Variants in ABHD12 observed in about 807,000 individuals in gnomAD.
The protein encoded by ABHD12 is lysophosphatidylserine lipase ABHD12.
In ABHD12, 43 loss-of-function variants were observed where a neutral mutation model predicts 58.3. The ratio of observed to expected loss-of-function variants is 0.74; its 90% CI spans 0.58 to 0.95. The LOEUF is 0.95. Ranked by LOEUF, ABHD12 falls within the 40% of genes least tolerant of loss-of-function variation. The pLI is 0.00. For synonymous variants in ABHD12, 219 were observed against 211.2 expected (o/e 1.04, Z -0.32); for missense variants, 539 against 537.2 (o/e 1.00, Z -0.03).
At chr20:25,383,783 G>A (rs1328640438) in intron 1 of ABHD12, among the ~76,000 whole-genome samples, 6 of 151,858 alleles carry the variant, frequency 4.0e-5, no homozygotes, top group African/African-American at 9.7e-5. Flanking sequence ...GTGAAACCTC[G>A]TCCCTACTAA....
At position 25,323,443 on chromosome 20, in the gene ABHD12, A is replaced by G; in HGVS notation, c.317-13T>C. The G allele has an allele frequency of 6.6e-7, 1 of 1,513,596 alleles. No homozygotes were observed. Among genetic ancestry groups the G allele is most frequent in the Non-Finnish European group, 9.2e-7 (1 of 1,088,352 alleles). 93.8% of individuals were successfully genotyped at this position (1,513,596 alleles called of 1,614,324 possible). A position where few individuals can be genotyped will look rare whatever the true frequency, so the allele number is the denominator to read the frequency against. ...TAGGGAACTCTTACTGTAGGAAATA[A>G]AGAGATGGAAATTAGGATTACTGGT... is the stretch of plus-strand genomic sequence containing the variant. On this transcript the variant is annotated splice_polypyrimidine_tract_variant and intron_variant, in intron 2 of 12. Transcript: ENST00000339157.
intron 2 of ABHD12, among the ~76,000 whole-genome samples, chr20:25,331,018 G>A (rs1349862274): frequency 6.6e-6 from 1 of 152,196 alleles, no homozygotes; most frequent in Non-Finnish European, 1.5e-5. Context: ...ATTACTCCAA[G>A]CTACGGGAGG....
intron 2 of ABHD12, among the ~76,000 whole-genome samples, chr20:25,330,876 G>GA (rs2089261341): frequency 6.6e-6 from 1 of 152,208 alleles, no homozygotes; most frequent in Admixed American, 6.5e-5. Flanking sequence ...AAAAAGAGCA[G>GA]AAAAACTGGA....
chr20:25,381,416 C>G (rs2090020334), intron 1 of ABHD12, among the ~76,000 whole-genome samples: 1 of 152,130 alleles, frequency 6.6e-6, no homozygotes, highest in Non-Finnish European at 1.5e-5. Context: ...GTAACAGGTA[C>G]TCAAACTGTT....
chr20:25,363,468 C>T (rs1476541525), intron 1 of ABHD12, among the ~76,000 whole-genome samples: 1 of 152,040 alleles, frequency 6.6e-6, no homozygotes, highest in Non-Finnish European at 1.5e-5. Context: ...CCACTCGCCT[C>T]GGCCTCCCAA....
At chr20:25,295,454 C>G (rs1771059471), downstream of ABHD12, 4 of 822,192 alleles carry the variant, frequency 4.9e-6, no homozygotes, top group Non-Finnish European at 8.0e-6. Flanking sequence ...CTGGTGCAGC[C>G]TGGCTCTGAC....
intron 1 of ABHD12, among the ~76,000 whole-genome samples, chr20:25,365,134 T>C (rs2089802398): frequency 6.6e-6 from 1 of 152,266 alleles, no homozygotes; most frequent in Non-Finnish European, 1.5e-5. Flanking sequence ...ATACTCTACA[T>C]GCTCATTTTT....
At chr20:25,362,775 A>G (rs1364323600) in intron 1 of ABHD12, among the ~76,000 whole-genome samples, 1 of 151,520 alleles carries the variant, frequency 6.6e-6, no homozygotes, top group Non-Finnish European at 1.5e-5. Context: ...CCCGGGTTCA[A>G]GCAATTCTCC....
Position 25,303,728 on chromosome 20 carries a change from G to A in ABHD12, c.951-100C>T, listed in dbSNP as rs576308540. The A allele has an allele frequency of 6.6e-6, 10 of 1,509,160 alleles. No individual in the cohort carries two copies. The Admixed American group carries it at 1.5e-4, about 22-fold the overall frequency. 93.5% of individuals were successfully genotyped at this position (1,509,160 alleles called of 1,614,324 possible). ...GATCTGGGTTCAGGGTGTGTTTTGGGAAACAGCCTGATTTCTGCTGGATTT... is the reference window on the plus strand; with the variant it reads ...GATCTGGGTTCAGGGTGTGTTTTGGAAAACAGCCTGATTTCTGCTGGATTT... On this transcript the variant is annotated intron_variant, in intron 10 of 12. Coordinates refer to ENST00000339157, the MANE Select transcript of ABHD12 (RefSeq NM_001042472.3).
intron 2 of ABHD12, among the ~76,000 whole-genome samples, chr20:25,327,548 C>T (rs920744848): frequency 3.9e-5 from 6 of 152,044 alleles, no homozygotes; most frequent in African/African-American, 1.5e-4. Context: ...TCTGACCTAA[C>T]TGACTCCATC....
At chr20:25,359,238 G>A (rs978631781) in intron 1 of ABHD12, among the ~76,000 whole-genome samples, 2 of 151,036 alleles carry the variant, frequency 1.3e-5, no homozygotes, top group South Asian at 2.1e-4. Context: ...TGGCTAACAC[G>A]GTGAAACCCC....
At chr20:25,366,884 A>G (rs1568764705) in intron 1 of ABHD12, among the ~76,000 whole-genome samples, 1 of 152,164 alleles carries the variant, frequency 6.6e-6, no homozygotes, top group African/African-American at 2.4e-5. Context: ...TCCTGAGCTG[A>G]GCACTGTAGC....
chr20:25,351,906 C>CA lies in ABHD12; in HGVS notation c.192-12556dup, dbSNP rs529623950. On this transcript the variant is annotated intron_variant, in intron 1 of 12. Coordinates refer to ENST00000339157, the MANE Select transcript of ABHD12 (RefSeq NM_001042472.3). ...ACAAGAGAGAAACTGTGTCTCAAAA[C>CA]AAAAAAACAAAACAAAACAAAAAAA... Among the ~76,000 whole-genome samples, 248 of 151,972 alleles carry CA rather than the reference C, an allele frequency of 1.6e-3. 1 individual carries two copies. The highest frequency in any genetic ancestry group is 3.7e-3 in the African/African-American group (155 of 41,480).
chr20:25,390,490 C>T lies in ABHD12; in HGVS notation c.191+23G>A, dbSNP rs971050629. The T allele has an allele frequency of 8.2e-6, 11 of 1,339,594 alleles. 1 individual carries two copies. In the African/African-American group the frequency reaches 1.3e-4, roughly 16 times the overall value. 83.0% of individuals were successfully genotyped at this position (1,339,594 alleles called of 1,614,324 possible). A position where few individuals can be genotyped will look rare whatever the true frequency, so the allele number is the denominator to read the frequency against. On this transcript the variant is annotated intron_variant, in intron 1 of 12. Coordinates refer to ENST00000339157, the MANE Select transcript of ABHD12 (RefSeq NM_001042472.3). The stretch of plus-strand genomic sequence containing the variant: ...AGTGAGGGACCGGCCCCCCCCCCCC[C>T]CCCGCTCCGCGCGAAGCCTCACCTG...
intron 1 of ABHD12, among the ~76,000 whole-genome samples, chr20:25,388,787 CTTT>C (rs780031801): frequency 0.024 from 2,899 of 122,026 alleles, 79 homozygotes; most frequent in African/African-American, 0.087. Flanking sequence ...TTGATTTTTT[CTTT>C]TTTTTTTTTT....
chr20:25,358,219 G>A (rs59894298), intron 1 of ABHD12, among the ~76,000 whole-genome samples: 3,196 of 152,264 alleles, frequency 0.021, 102 homozygotes, highest in African/African-American at 0.072. Flanking sequence ...ACAAAAGTTA[G>A]ACATATGAAA....
chr20:25,349,279 G>A (rs6050559), intron 1 of ABHD12, among the ~76,000 whole-genome samples: 86,397 of 151,926 alleles, frequency 0.57, 25,292 homozygotes, highest in African/African-American at 0.63. Flanking sequence ...GTATAAAAAC[G>A]AATCAGGTAG....
intron 2 of ABHD12, among the ~76,000 whole-genome samples, chr20:25,331,894 C>T (rs2089283106): frequency 6.6e-6 from 1 of 151,932 alleles, no homozygotes; most frequent in Admixed American, 6.6e-5. Flanking sequence ...GAAACTGCAT[C>T]AACTAATGAG....
At chr20:25,367,068 A>C (rs1212676139) in intron 1 of ABHD12, among the ~76,000 whole-genome samples, 3 of 152,348 alleles carry the variant, frequency 2.0e-5, no homozygotes, top group African/African-American at 7.2e-5. Flanking sequence ...GCATTTTAAA[A>C]TTTGGGATTC....
Sources: gnomAD v4.1 joint callset for allele counts (sites outside exome capture counted in the v4.1 genomes callset) on GRCh38, gnomAD v4.1.1 for gene constraint, MANE v1.5 for transcripts, NCBI Gene and HGNC (gene_info 2026-07-23, HGNC 2026-07-21) for gene names.